Variants in TMEM245 observed in about 807,000 individuals in gnomAD.
TMEM245 encodes the protein transmembrane protein 245.
Under a neutral mutation model 101.2 loss-of-function variants are expected in TMEM245, and 69 were observed. The observed-to-expected ratio is 0.68, with a 90% CI of 0.56 to 0.83. The LOEUF is 0.83. TMEM245 is among the 40% of genes least tolerant of loss of function. The pLI, the probability that TMEM245 is intolerant of heterozygous loss-of-function variation, is 0.00. For synonymous variants in TMEM245, 537 were observed against 449.8 expected (o/e 1.19, Z -2.45); for missense variants, 1,075 against 1,092.8 (o/e 0.98, Z 0.23).
At position 109,033,331 on chromosome 9, in the gene TMEM245, G is replaced by T. The variant is rs758866373; in HGVS notation, c.2570C>A (p.Thr857Asn). Residue 857 changes from threonine to asparagine, a missense_variant, in exon 17 of 18, where the codon ACC (threonine) becomes AAC (asparagine). Physicochemically the swap from Thr to Asn is moderately conservative, Grantham distance 65. Around this residue, in one of 2 missense-constraint regions of TMEM245, gnomAD observed 267 missense variants for 351.3 expected, o/e 0.76. Coordinates refer to ENST00000374586, the MANE Select transcript of TMEM245 (RefSeq NM_032012.4). The stretch of plus-strand genomic sequence containing the variant: ...CCGCTGAGGCTGAGCAGGCCATGGG[G>T]TCTGGTTTGGCGTGGGAACTGAATT... ...PTNSVPTPNQ[T>N]PWPAQPQRTF... is the part of the protein sequence containing the mutation. 1.2e-6 allele frequency: 2 copies of T among 1,612,244 alleles called. No individual in the cohort carries two copies. Among genetic ancestry groups the T allele is most frequent in the East Asian group, 2.2e-5 (1 of 44,876 alleles).
intron 1 of TMEM245, among the ~76,000 whole-genome samples, chr9:109,111,907 C>T (rs1231253523): frequency 1.3e-5 from 2 of 152,112 alleles, no homozygotes; most frequent in Non-Finnish European, 2.9e-5. Context: ...ATTACAGGTG[C>T]TCAATTTTCT....
chr9:109,046,291 A>G (rs748937753), intron 14 of TMEM245: 6 of 534,338 alleles, frequency 1.1e-5, no homozygotes, highest in South Asian at 4.2e-5. Flanking sequence ...GTAATGTGCA[A>G]TATCTCCACC....
intron 8 of TMEM245, among the ~76,000 whole-genome samples, chr9:109,080,033 A>C (rs1173750251): frequency 6.6e-6 from 1 of 152,126 alleles, no homozygotes; most frequent in Admixed American, 6.6e-5. Flanking sequence ...TTCCAAGCAG[A>C]GATGCCACTG....
At chr9:109,104,887 A>G (rs1429320859) in intron 3 of TMEM245, among the ~76,000 whole-genome samples, 1 of 152,198 alleles carries the variant, frequency 6.6e-6, no homozygotes, top group African/African-American at 2.4e-5. Flanking sequence ...ACCTAAATAT[A>G]AGAGATAAAA....
At chr9:109,035,595 T>C (rs964858521) in intron 16 of TMEM245, among the ~76,000 whole-genome samples, 2 of 152,100 alleles carry the variant, frequency 1.3e-5, no homozygotes, top group African/African-American at 4.8e-5. Flanking sequence ...TCTAACAACA[T>C]TTTCTCCAAA....
At chr9:109,098,977 T>C (rs1830214103) in intron 3 of TMEM245, among the ~76,000 whole-genome samples, 1 of 152,190 alleles carries the variant, frequency 6.6e-6, no homozygotes, top group Admixed American at 6.5e-5. Context: ...TAAGCATGGG[T>C]AAATATACTT....
At position 109,091,076 on chromosome 9, in the gene TMEM245, T is replaced by A; in HGVS notation, c.996A>T (p.Ser332=). Residue 332 remains serine, a synonymous_variant, in exon 5 of 18, where the codon TCA becomes TCT. Transcript: ENST00000374586. The part of the protein sequence containing the change: ...SPSSPSPTSP[S]PTLGRRRPEI... ...CAGGCCTTCGTCTGCCCAGAGTAGG[T>A]GAAGGGGAAGTGGGTGAAGGGGAGG... 1 of 1,613,836 alleles carries A rather than the reference T, an allele frequency of 6.2e-7. No homozygotes were observed. Among genetic ancestry groups the A allele is most frequent in the Admixed American group, 1.7e-5 (1 of 59,982 alleles).
At chr9:109,061,589 T>G (rs1467121011) in intron 10 of TMEM245, among the ~76,000 whole-genome samples, 1 of 152,118 alleles carries the variant, frequency 6.6e-6, no homozygotes, top group Non-Finnish European at 1.5e-5. Context: ...TTTTTTGAGA[T>G]AGAGTCTTGC....
rs1457174488 is a variant in TMEM245, at chr9:109,050,685, T to G, written c.1862A>C (p.Glu621Ala). Residue 621 changes from glutamate (E) to alanine (A), a missense_variant, in exon 13 of 18, where the codon GAG becomes GCG. Physicochemically the swap from Glu to Ala is moderately radical, Grantham distance 107. Coordinates refer to ENST00000374586, the MANE Select transcript of TMEM245 (RefSeq NM_032012.4). ...ENIETFLSIL[E>A]SLWIVMSRNV... ...CCGGCTCATAACGATCCACAGAGACTCCAAGATCTGACGAGGAAGGAAAGC... is the reference window on the plus strand; with the variant it reads ...CCGGCTCATAACGATCCACAGAGACGCCAAGATCTGACGAGGAAGGAAAGC... 5 of 1,611,804 alleles carry G rather than the reference T, an allele frequency of 3.1e-6. No homozygotes were observed. The highest frequency in any genetic ancestry group is 4.2e-6 in the Non-Finnish European group (5 of 1,179,638).
At position 109,119,654 on chromosome 9, in the gene TMEM245, G is replaced by T; in HGVS notation, c.260C>A (p.Ala87Asp). The T allele has an allele frequency of 6.4e-7, 1 of 1,556,918 alleles. No individual in the cohort carries two copies. ...LEAFLRPLLW[A>D]VLCGTFLHPF... Reference sequence around the variant, plus strand: ...GTGCAGAAAAGTGCCGCATAGCACGGCCCAGAGCAGCGGCCGCAGGAAGGC... The same window carrying T: ...GTGCAGAAAAGTGCCGCATAGCACGTCCCAGAGCAGCGGCCGCAGGAAGGC... Residue 87 changes from alanine to aspartate, a missense_variant, in exon 1 of 18, where the codon GCC becomes GAC. Transcript: ENST00000374586.
chr9:109,070,468 C>T (rs1233044579), intron 9 of TMEM245, among the ~76,000 whole-genome samples: 1 of 152,180 alleles, frequency 6.6e-6, no homozygotes, highest in African/African-American at 2.4e-5. Flanking sequence ...CAACTAACCC[C>T]CTTAAGACCT....
intron 14 of TMEM245, among the ~76,000 whole-genome samples, chr9:109,049,902 G>A (rs977304280): frequency 6.6e-6 from 1 of 152,092 alleles, no homozygotes; most frequent in Non-Finnish European, 1.5e-5. Flanking sequence ...CAAGCCTCTG[G>A]CCTCAGCCTC....
intron 15 of TMEM245, among the ~76,000 whole-genome samples, chr9:109,037,689 A>G (rs1055867632): frequency 2.0e-5 from 3 of 152,158 alleles, no homozygotes; most frequent in Admixed American, 6.5e-5. Context: ...AGGAGCCACT[A>G]TGCTTCTTGT....
At chr9:109,077,492 C>G (rs746457349) in intron 8 of TMEM245, among the ~76,000 whole-genome samples, 1 of 152,196 alleles carries the variant, frequency 6.6e-6, no homozygotes, top group Non-Finnish European at 1.5e-5. Context: ...TTTCTAACTA[C>G]TTATTCCCTC....
intron 1 of TMEM245, among the ~76,000 whole-genome samples, chr9:109,109,754 G>A (rs1830520025): frequency 6.6e-6 from 1 of 152,076 alleles, no homozygotes; most frequent in African/African-American, 2.4e-5. Context: ...ACTGGGAAAT[G>A]ATTACGATTC....
intron 9 of TMEM245, among the ~76,000 whole-genome samples, chr9:109,070,257 A>T (rs1237232268): frequency 6.6e-6 from 1 of 152,162 alleles, no homozygotes; most frequent in Non-Finnish European, 1.5e-5. Context: ...CCTGAACCGC[A>T]TACCTACATA....
rs754544378 is a variant in TMEM245, at chr9:109,050,671, C to T, written c.1876G>A (p.Val626Ile). The T allele has an allele frequency of 4.3e-6, 7 of 1,612,390 alleles. No individual in the cohort carries two copies. The South Asian group carries it at 4.4e-5, about 10-fold the overall frequency. The change falls in exon 13 of 18, where the codon GTT becomes ATT. Residue 626 changes from valine to isoleucine, a missense_variant. This residue lies in a region of TMEM245 where 267 missense variants were observed against 351.3 expected (regional missense o/e 0.76). Coordinates refer to ENST00000374586, the MANE Select transcript of TMEM245 (RefSeq NM_032012.4). ...AGCAGGCTCACATTCCGGCTCATAA[C>T]GATCCACAGAGACTCCAAGATCTGA... ...FLSILESLWIVMSRNVSLLFT... is the reference protein window; with the variant it reads ...FLSILESLWIIMSRNVSLLFT...
chr9:109,084,757 C>T (rs1031765586), intron 7 of TMEM245, among the ~76,000 whole-genome samples: 1 of 152,142 alleles, frequency 6.6e-6, no homozygotes, highest in Non-Finnish European at 1.5e-5. Context: ...CTTATATTTG[C>T]ACATCATTTG....
intron 12 of TMEM245, 43 bp downstream of exon 12, chr9:109,057,146 GTT>G: frequency 1.9e-6 from 3 of 1,592,932 alleles, no homozygotes; most frequent in Non-Finnish European, 2.6e-6. Context: ...ATTACAGTTT[GTT>G]TTTATTTTGA....
Sources: allele counts gnomAD v4.1 joint callset (sites outside exome capture counted in the v4.1 genomes callset), GRCh38; gene constraint gnomAD v4.1.1; regional missense constraint gnomAD v4.1.1; transcripts MANE v1.5; gene names NCBI Gene and HGNC (gene_info 2026-07-23, HGNC 2026-07-21).